The following HSD17B12 variants were observed in gnomAD, a reference collection of about 807,000 sequenced individuals.
HSD17B12 encodes hydroxysteroid 17-beta dehydrogenase 12.
A neutral mutation model predicts 39.3 loss-of-function variants in HSD17B12; 32 were observed. That is an observed-to-expected ratio of 0.81 (90% CI 0.61 to 1.09). The LOEUF (loss-of-function observed/expected upper bound fraction) is 1.09, where lower values mean the gene tolerates loss of function less well. Among genes scored for constraint, HSD17B12 ranks in the 50% least tolerant of loss-of-function variants. The pLI, the probability that HSD17B12 is intolerant of heterozygous loss-of-function variation, is 0.00. For synonymous variants in HSD17B12, 150 were observed against 146.7 expected, an observed-to-expected ratio of 1.02 and a Z score of -0.16; for missense variants, 342 against 382.9, an observed-to-expected ratio of 0.89 and a Z score of 0.89.
At chr11:43,790,931 T>G (rs1487898807) in intron 3 of HSD17B12, among the ~76,000 whole-genome samples, 1 of 151,822 alleles carries the variant, frequency 6.6e-6, no homozygotes, top group East Asian at 2.0e-4. Flanking sequence ...GAGGTGGAGG[T>G]TGCAGTGAGC....
At chr11:43,582,377 C>G in the HSD17B12 span, among the ~76,000 whole-genome samples, 1 of 152,160 alleles carries the variant, frequency 6.6e-6, no homozygotes, top group African/African-American at 2.4e-5. Context: ...TCCCCCTCCT[C>G]CCCCTCCACT....
the HSD17B12 span, among the ~76,000 whole-genome samples, chr11:43,562,399 CTT>C: frequency 6.6e-6 from 1 of 152,190 alleles, no homozygotes; most frequent in Non-Finnish European, 1.5e-5. Flanking sequence ...GGTTATGTGA[CTT>C]TTGATAAGTT....
At chr11:43,615,870 G>A in the HSD17B12 span, among the ~76,000 whole-genome samples, 1 of 152,204 alleles carries the variant, frequency 6.6e-6, no homozygotes, top group African/African-American at 2.4e-5. Flanking sequence ...TTTCTGAAAA[G>A]GGGTGTGAAG....
the HSD17B12 span, among the ~76,000 whole-genome samples, chr11:43,666,230 G>T: frequency 6.6e-6 from 1 of 152,002 alleles, no homozygotes; most frequent in Non-Finnish European, 1.5e-5. Flanking sequence ...TTGAGGCAGG[G>T]TCTTACTCTA....
the HSD17B12 span, among the ~76,000 whole-genome samples, chr11:43,576,171 G>A: frequency 6.6e-6 from 1 of 152,180 alleles, no homozygotes; most frequent in Non-Finnish European, 1.5e-5. Flanking sequence ...CTTGCAACAG[G>A]CAGAGACAGA....
chr11:43,646,315 A>C, the HSD17B12 span: 1 of 152,208 alleles, frequency 6.6e-6, no homozygotes, highest in Non-Finnish European at 1.5e-5. Flanking sequence ...ACCTGACCTA[A>C]GTGTGTCTTA....
intron 3 of HSD17B12, among the ~76,000 whole-genome samples, chr11:43,772,857 T>A (rs920440406): frequency 3.1e-4 from 47 of 152,162 alleles, no homozygotes; most frequent in Non-Finnish European, 1.2e-4. Context: ...ACCCCTGTAG[T>A]CTCAGCACCT....
In HSD17B12 at chr11:43,831,948, C is replaced by T. The variant is rs1415881257; in HGVS notation, c.536+938C>T. ...AACTCATTTAACTTTGATAGCCTCC[C>T]ACCATTGTACAGATGAGGAAACTGA... On this transcript the variant is annotated intron_variant, in intron 7 of 10. Transcript: ENST00000278353. This position sits in a 1 kb window ranked among gnomAD's most constrained non-coding sequence, Gnocchi z 4.1. Among the ~76,000 whole-genome samples the T allele has an allele frequency of 6.6e-6, 1 of 152,200 alleles. No homozygotes were observed. The highest frequency in any genetic ancestry group is 1.5e-5 in the Non-Finnish European group (1 of 68,040).
chr11:43,705,769 T>A (rs1359941367), intron 1 of HSD17B12, among the ~76,000 whole-genome samples: 8 of 138,264 alleles, frequency 5.8e-5, no homozygotes, highest in Non-Finnish European at 1.1e-4. Context: ...CTCTTTTTTT[T>A]TTTTTTTTTT....
At chr11:43,783,372 A>T (rs1251833808) in intron 3 of HSD17B12, among the ~76,000 whole-genome samples, 1 of 151,246 alleles carries the variant, frequency 6.6e-6, no homozygotes, top group African/African-American at 2.4e-5. Flanking sequence ...TTTTACTCTT[A>T]AATATTATTG....
At chr11:43,584,365 G>A in the HSD17B12 span, among the ~76,000 whole-genome samples, 1 of 152,078 alleles carries the variant, frequency 6.6e-6, no homozygotes, top group Non-Finnish European at 1.5e-5. Flanking sequence ...AGGCTTTGTG[G>A]GCATCTCTGG....
the HSD17B12 span, chr11:43,672,859 C>T: frequency 1.3e-5 from 2 of 152,266 alleles, no homozygotes; most frequent in East Asian, 3.9e-4. Flanking sequence ...GTTAATCTTC[C>T]TTTCTTATGG....
intron 4 of HSD17B12, among the ~76,000 whole-genome samples, chr11:43,799,141 T>C (rs1217606968): frequency 6.6e-6 from 1 of 152,026 alleles, no homozygotes; most frequent in Non-Finnish European, 1.5e-5. Context: ...CCGAGAAGAC[T>C]TTAGAGATTT....
intron 1 of HSD17B12, among the ~76,000 whole-genome samples, chr11:43,705,758 CCTCTTTTTTTTTTTT>C (rs1950008157): frequency 9.5e-6 from 1 of 104,764 alleles, no homozygotes; most frequent in Non-Finnish European, 1.9e-5. Flanking sequence ...TTTCCTCTCT[CCTCTTTTTTTTTTTT>C]TTTTTTTTTT....
At chr11:43,760,776 G>A (rs1338686670) in intron 3 of HSD17B12, among the ~76,000 whole-genome samples, 1 of 152,154 alleles carries the variant, frequency 6.6e-6, no homozygotes, top group Non-Finnish European at 1.5e-5. Context: ...AACACCTGTA[G>A]ACCTTTTCGT....
chr11:43,619,383 C>A, the HSD17B12 span, among the ~76,000 whole-genome samples: 1 of 132,342 alleles, frequency 7.6e-6, no homozygotes, highest in South Asian at 2.4e-4. Flanking sequence ...TGCACTTTTT[C>A]TTTTTCTTTT....
chr11:43,806,495 A>G (rs148996127), intron 4 of HSD17B12: 178 of 152,214 alleles, frequency 1.2e-3, no homozygotes, highest in African/African-American at 4.1e-3. Context: ...ACAATAGAAT[A>G]TTATTCAGCC....
At chr11:43,585,795 T>C in the HSD17B12 span, among the ~76,000 whole-genome samples, 1 of 152,198 alleles carries the variant, frequency 6.6e-6, no homozygotes, top group African/African-American at 2.4e-5. Context: ...CCTTAACCGA[T>C]AGTTCAGTTG....
chr11:43,838,686 T>G (rs1951394910), intron 8 of HSD17B12, among the ~76,000 whole-genome samples: 1 of 152,144 alleles, frequency 6.6e-6, no homozygotes, highest in Non-Finnish European at 1.5e-5. Context: ...AAGTGATACT[T>G]GTGCCTTCCA....
Sources: gnomAD v4.1 joint callset for allele counts (sites outside exome capture counted in the v4.1 genomes callset) on GRCh38, gnomAD v4.1.1 for gene constraint, Gnocchi (gnomAD v3.1) non-coding constraint, MANE v1.5 for transcripts, NCBI Gene and HGNC (gene_info 2026-07-23, HGNC 2026-07-21) for gene names.